The following ZMAT1 variants were observed in gnomAD, a reference collection of about 807,000 sequenced individuals.
The protein encoded by ZMAT1 is zinc finger matrin-type 1.
A neutral mutation model predicts 18.5 loss-of-function variants in ZMAT1; 11 were observed. The observed-to-expected ratio is 0.59, with a 90% CI of 0.37 to 0.98. The LOEUF (loss-of-function observed/expected upper bound fraction) is 0.98. ZMAT1 is among the 50% of genes least tolerant of loss of function. The pLI is 0.01. For synonymous variants in ZMAT1, 211 were observed against 176.4 expected (o/e 1.20, Z -1.55); for missense variants, 525 against 496.2 (o/e 1.06, Z -0.55).
At chrX:101,924,210 C>A (rs1236928347) in intron 1 of ZMAT1, among the ~76,000 whole-genome samples, 1 of 111,343 alleles carries the variant, frequency 9.0e-6, no homozygotes, top group Non-Finnish European at 1.9e-5. Context: ...CTCCCGAGTT[C>A]AAGTGATTCT....
chrX:101,884,725 T>A lies in ZMAT1; in HGVS notation c.873A>T (p.Arg291Ser). The change falls in exon 6 of 6, where the codon AGA (arginine) becomes AGT (serine). Residue 291 changes from arginine to serine, a missense_variant. Coordinates refer to ENST00000651725, the MANE Select transcript of ZMAT1 (RefSeq NM_001394560.1). The stretch of plus-strand genomic sequence containing the variant: ...TGAAACAAGTCTTGGCCTCTAGTCC[T>A]CTGGCTTTCTGCACATTGATGTAAT... ...CADYINVQKA[R>S]GLEAKTCFRK... 2.5e-6 allele frequency: 3 copies of A among 1,210,770 alleles called. No individual in the cohort carries two copies. Among genetic ancestry groups the A allele is most frequent in the East Asian group, 3.0e-5 (1 of 33,806 alleles).
Position 101,883,471 on chromosome X carries a change from T to C in ZMAT1, c.*39A>G, listed in dbSNP as rs764942122. The C allele has an allele frequency of 1.9e-6, 2 of 1,074,252 alleles. No individual in the cohort carries two copies. The highest frequency in any genetic ancestry group is 2.5e-6 in the Non-Finnish European group (2 of 809,025). The allele number at this position is 1,074,252 out of a possible 1,213,427, so 88.5% of individuals were successfully genotyped here. A position where few individuals can be genotyped will look rare whatever the true frequency, so the allele number is the denominator to read the frequency against. On this transcript the variant is annotated 3_prime_UTR_variant, in exon 6 of 6. Transcript: ENST00000651725. ...TTTCTAAATCCATATTGACTGTTTT[T>C]TTTTTTCAATTCAACCTTGGGTAAA...
At chrX:101,912,901 G>A (rs1603281648) in intron 1 of ZMAT1, among the ~76,000 whole-genome samples, 1 of 111,792 alleles carries the variant, frequency 8.9e-6, no homozygotes, top group South Asian at 3.7e-4. Flanking sequence ...TTACTGCTCT[G>A]TTCTCCCTCT....
intron 1 of ZMAT1, among the ~76,000 whole-genome samples, chrX:101,930,685 C>A (rs1418649731): frequency 8.9e-6 from 1 of 112,285 alleles, no homozygotes; most frequent in Non-Finnish European, 1.9e-5. Context: ...TAAGGTAACA[C>A]AGCAAATTCT....
At chrX:101,924,777 T>C (rs940289924) in intron 1 of ZMAT1, among the ~76,000 whole-genome samples, 10 of 112,088 alleles carry the variant, frequency 8.9e-5, no homozygotes, top group African/African-American at 3.2e-4. Flanking sequence ...TGCCAACTGT[T>C]AACAAATTAA....
intron 1 of ZMAT1, among the ~76,000 whole-genome samples, chrX:101,909,564 C>A (rs1418501872): frequency 8.9e-6 from 1 of 111,800 alleles, no homozygotes. Flanking sequence ...AGTCCCAAGC[C>A]AGGCAGCATT....
At chrX:101,901,417 C>T (rs1928224904) in intron 2 of ZMAT1, among the ~76,000 whole-genome samples, 1 of 110,677 alleles carries the variant, frequency 9.0e-6, no homozygotes, top group Non-Finnish European at 1.9e-5. Context: ...TCAACTTTTC[C>T]CTATTCAGTA....
At chrX:101,925,229 T>G (rs1929986228) in intron 1 of ZMAT1, among the ~76,000 whole-genome samples, 1 of 111,638 alleles carries the variant, frequency 9.0e-6, no homozygotes, top group Non-Finnish European at 1.9e-5. Flanking sequence ...TTGTGACAAA[T>G]TATAAATGGG....
chrX:101,906,977 G>A (rs958363921), intron 1 of ZMAT1, among the ~76,000 whole-genome samples: 1 of 110,725 alleles, frequency 9.0e-6, no homozygotes, highest in African/African-American at 3.3e-5. Context: ...CCCTTGGACT[G>A]AGGCTCCAAG....
intron 1 of ZMAT1, among the ~76,000 whole-genome samples, chrX:101,928,442 C>T (rs1930188640): frequency 8.9e-6 from 1 of 112,223 alleles, no homozygotes; most frequent in African/African-American, 3.2e-5. Context: ...ACTGCAACCT[C>T]CCACTCCCAG....
intron 4 of ZMAT1, among the ~76,000 whole-genome samples, chrX:101,891,475 A>G (rs1927389925): frequency 9.0e-6 from 1 of 111,362 alleles, no homozygotes; most frequent in Non-Finnish European, 1.9e-5. Context: ...ATACAGGAGT[A>G]TGAAAGGCAG....
chrX:101,928,492 T>C (rs1930191418), intron 1 of ZMAT1, among the ~76,000 whole-genome samples: 1 of 112,305 alleles, frequency 8.9e-6, no homozygotes, highest in African/African-American at 3.2e-5. Context: ...TGAGCAGCTG[T>C]GACTATAGGC....
intron 1 of ZMAT1, among the ~76,000 whole-genome samples, chrX:101,928,469 T>C (rs1382303480): frequency 8.9e-6 from 1 of 112,556 alleles, no homozygotes; most frequent in East Asian, 2.8e-4. Flanking sequence ...GTGATTCTTC[T>C]GCCTCAGCCT....
intron 1 of ZMAT1, among the ~76,000 whole-genome samples, chrX:101,925,714 A>AT (rs1392010916): frequency 8.9e-6 from 1 of 112,718 alleles, no homozygotes; most frequent in African/African-American, 3.2e-5. Context: ...GAAGCTTTGC[A>AT]TTTTTTACTT....
chrX:101,924,889 A>T (rs1250115720), intron 1 of ZMAT1, among the ~76,000 whole-genome samples: 1 of 112,206 alleles, frequency 8.9e-6, no homozygotes, highest in Non-Finnish European at 1.9e-5. Flanking sequence ...ATACGTACAG[A>T]GTTTCAATTT....
At chrX:101,930,206 C>T (rs998724412) in intron 1 of ZMAT1, among the ~76,000 whole-genome samples, 2 of 111,793 alleles carry the variant, frequency 1.8e-5, no homozygotes, top group African/African-American at 3.3e-5. Flanking sequence ...TGTGAACAGA[C>T]GATGAGAGCC....
At chrX:101,896,638 G>A (rs1927827795) in intron 4 of ZMAT1, among the ~76,000 whole-genome samples, 1 of 112,375 alleles carries the variant, frequency 8.9e-6, no homozygotes, top group Admixed American at 9.4e-5. Flanking sequence ...GTTCAAAATT[G>A]ATGTTGGTGA....
chrX:101,931,826 G>A lies in ZMAT1; in HGVS notation c.183C>T (p.Ala61=), dbSNP rs1930521133. 1.3e-6 allele frequency: 1 copy of A among 786,501 alleles called. No homozygotes were observed. The highest frequency in any genetic ancestry group is 2.3e-5 in the African/African-American group (1 of 44,071). The allele number at this position is 786,501 out of a possible 1,213,427, so 64.8% of individuals were successfully genotyped here. A position where few individuals can be genotyped will look rare whatever the true frequency, so the allele number is the denominator to read the frequency against. The change falls in exon 1 of 6, where the codon GCC becomes GCT. Residue 61 remains alanine, a synonymous_variant. Coordinates refer to ENST00000651725, the MANE Select transcript of ZMAT1 (RefSeq NM_001394560.1). ...SATSAPACPP[A]GGCGDGGGGG... is the part of the protein sequence containing the mutation. ...CGCCGCCGCCGTCGCCACAGCCACC[G>A]GCAGGCGGGCAGGCAGGGGCGGAGG...
At position 101,883,439 on chromosome X, in the gene ZMAT1, GT is replaced by G; in HGVS notation, c.*70del. 1.1e-6 allele frequency: 1 copy of G among 897,574 alleles called. No homozygotes were observed. The highest frequency in any genetic ancestry group is 2.1e-5 in the African/African-American group (1 of 48,438). The allele number at this position is 897,574 out of a possible 1,213,427, so 74.0% of individuals were successfully genotyped here. The stretch of plus-strand genomic sequence containing the variant: ...CTACCTCTCCTTTTCTTCATCAGGT[GT>G]TCCTTTTTCTAAATCCATATTGACT... On this transcript the variant is annotated 3_prime_UTR_variant, in exon 6 of 6. Transcript: ENST00000651725.
Sources: allele counts gnomAD v4.1 joint callset (sites outside exome capture counted in the v4.1 genomes callset), GRCh38; gene constraint gnomAD v4.1.1; transcripts MANE v1.5; gene names NCBI Gene and HGNC (gene_info 2026-07-23, HGNC 2026-07-21).